Variants in MAPRE3 observed in about 807,000 individuals in gnomAD.
The protein encoded by MAPRE3 is microtubule associated protein RP/EB family member 3, also known as microtubule-associated protein RP/EB family member 3.
Under a neutral mutation model 30.5 loss-of-function variants are expected in MAPRE3, and 2 were observed. The ratio of observed to expected loss-of-function variants is 0.07; its 90% confidence interval spans 0.03 to 0.21. The LOEUF (loss-of-function observed/expected upper bound fraction) is 0.21, where lower values mean the gene tolerates loss of function less well. Among genes scored for constraint, MAPRE3 ranks in the 10% least tolerant of loss-of-function variants. The probability of loss-of-function intolerance (pLI) is 1.00; values close to 1 mark genes in which losing one functional copy is unlikely to be tolerated. For synonymous variants in MAPRE3, 110 were observed against 127.7 expected (o/e 0.86, Z 0.93); for missense variants, 204 against 351.8 (o/e 0.58, Z 3.36).
intron 3 of MAPRE3, 131 bp from the exon 4 acceptor site, chr2:27,023,965 G>C: frequency 1.5e-6 from 1 of 668,130 alleles, no homozygotes; most frequent in Non-Finnish European, 2.6e-6. Flanking sequence ...CGTGGGAGGG[G>C]GGCAAGTGGA....
intron 1 of MAPRE3, among the ~76,000 whole-genome samples, chr2:27,007,531 G>T (rs1207139820): frequency 6.6e-6 from 1 of 152,152 alleles, no homozygotes; most frequent in Non-Finnish European, 1.5e-5. Flanking sequence ...AAAACCTTAT[G>T]CCCTTTCTGA....
At chr2:26,995,981 G>A (rs930729582) in intron 1 of MAPRE3, among the ~76,000 whole-genome samples, 3 of 151,750 alleles carry the variant, frequency 2.0e-5, no homozygotes, top group Non-Finnish European at 2.9e-5. Flanking sequence ...TCTGCCTATC[G>A]CCTCTATTCC....
intron 1 of MAPRE3, among the ~76,000 whole-genome samples, chr2:27,011,192 T>C (rs1666848130): frequency 1.3e-5 from 2 of 152,234 alleles, no homozygotes; most frequent in African/African-American, 4.8e-5. Flanking sequence ...ATAATAAATA[T>C]GTTTCCCATG....
intron 1 of MAPRE3, among the ~76,000 whole-genome samples, chr2:26,980,249 C>T (rs1283344959): frequency 6.6e-6 from 1 of 152,138 alleles, no homozygotes; most frequent in African/African-American, 2.4e-5. Flanking sequence ...CAGTAAAACA[C>T]TGGAGTGGTT....
intron 3 of MAPRE3, chr2:27,023,875 C>T (rs891742705): frequency 1.3e-4 from 69 of 547,872 alleles, no homozygotes; most frequent in Admixed American, 7.8e-4. Flanking sequence ...CCACACAGTT[C>T]TTCCACACGG....
intron 1 of MAPRE3, chr2:27,013,432 C>G (rs970663691): frequency 1.3e-5 from 2 of 152,340 alleles, no homozygotes; most frequent in Non-Finnish European, 2.9e-5. Flanking sequence ...CTAGCATTCT[C>G]CTCTCCTTGC....
intron 1 of MAPRE3, among the ~76,000 whole-genome samples, chr2:27,020,802 C>A (rs1667094679): frequency 6.6e-6 from 1 of 152,148 alleles, no homozygotes; most frequent in African/African-American, 2.4e-5. Flanking sequence ...GCCAGACCTG[C>A]TTTTAGGTAG....
intron 1 of MAPRE3, among the ~76,000 whole-genome samples, chr2:26,990,657 T>C (rs1666318715): frequency 6.6e-6 from 1 of 152,264 alleles, no homozygotes. Context: ...GGAATATACA[T>C]ACCTGGTAAC....
chr2:26,994,077 G>C (rs1385751338), intron 1 of MAPRE3, among the ~76,000 whole-genome samples: 2 of 152,142 alleles, frequency 1.3e-5, no homozygotes, highest in African/African-American at 4.8e-5. Context: ...AAAGAAACAT[G>C]ATAATAATCT....
chr2:26,984,573 G>T (rs537771554), intron 1 of MAPRE3, among the ~76,000 whole-genome samples: 1 of 152,316 alleles, frequency 6.6e-6, no homozygotes, highest in East Asian at 1.9e-4. Context: ...CCTGAAAGCT[G>T]CCCCAAGGAA....
At chr2:27,020,363 C>G (rs1461475077) in intron 1 of MAPRE3, among the ~76,000 whole-genome samples, 2 of 152,178 alleles carry the variant, frequency 1.3e-5, no homozygotes, top group Non-Finnish European at 2.9e-5. Context: ...CATATTAAAC[C>G]TGAAGAAATA....
At chr2:26,991,226 C>G (rs937025490) in intron 1 of MAPRE3, among the ~76,000 whole-genome samples, 1 of 152,146 alleles carries the variant, frequency 6.6e-6, no homozygotes, top group Non-Finnish European at 1.5e-5. Context: ...TGCACTCCAG[C>G]CTGGGCGACA....
intron 1 of MAPRE3, among the ~76,000 whole-genome samples, chr2:26,984,324 A>G (rs966030147): frequency 6.6e-6 from 1 of 152,258 alleles, no homozygotes; most frequent in Non-Finnish European, 1.5e-5. Context: ...GAAGTCCTCC[A>G]TAACTCTGTC....
At chr2:27,006,045 A>C (rs1392371523) in intron 1 of MAPRE3, among the ~76,000 whole-genome samples, 1 of 151,974 alleles carries the variant, frequency 6.6e-6, no homozygotes, top group Non-Finnish European at 1.5e-5. Flanking sequence ...AGCCGGGCAC[A>C]GTGGCGGGCG....
At chr2:27,008,763 G>A (rs1053736927) in intron 1 of MAPRE3, among the ~76,000 whole-genome samples, 2 of 152,186 alleles carry the variant, frequency 1.3e-5, no homozygotes, top group Admixed American at 6.6e-5. Flanking sequence ...CTCATAGGGT[G>A]TATTTGTAAT....
At chr2:27,025,417 C>T (rs2148230776) in intron 4 of MAPRE3, among the ~76,000 whole-genome samples, 166 bp from the exon 5 acceptor site, 1 of 152,258 alleles carries the variant, frequency 6.6e-6, no homozygotes, top group East Asian at 1.9e-4. Flanking sequence ...TCCATGTGGC[C>T]AAGACTCGGG....
At chr2:26,997,445 A>G (rs1666488543) in intron 1 of MAPRE3, among the ~76,000 whole-genome samples, 2 of 152,130 alleles carry the variant, frequency 1.3e-5, no homozygotes, top group Non-Finnish European at 2.9e-5. Context: ...CGTGTGACCC[A>G]GGGAAGCCCA....
At chr2:27,001,594 G>A (rs987358839) in intron 1 of MAPRE3, among the ~76,000 whole-genome samples, 2 of 152,150 alleles carry the variant, frequency 1.3e-5, no homozygotes, top group African/African-American at 2.4e-5. Context: ...AAAGGGTACG[G>A]TGAACTATGA....
At chr2:26,989,414 A>G (rs1666289912) in intron 1 of MAPRE3, among the ~76,000 whole-genome samples, 3 of 152,224 alleles carry the variant, frequency 2.0e-5, no homozygotes, top group African/African-American at 4.8e-5. Flanking sequence ...GGAAAGGACA[A>G]TAACAGCAGA....
Sources: allele counts gnomAD v4.1 joint callset (sites outside exome capture counted in the v4.1 genomes callset), GRCh38; gene constraint gnomAD v4.1.1; transcripts MANE v1.5; gene names NCBI Gene and HGNC (gene_info 2026-07-23, HGNC 2026-07-21).